The following IQUB variants were observed in gnomAD, a reference collection of about 807,000 sequenced individuals.
The protein encoded by IQUB is IQ motif and ubiquitin-like domain-containing protein.
IQUB carries 86 observed loss-of-function variants against 86.4 expected under a neutral mutation model. The observed-to-expected ratio is 1.00, with a 90% CI of 0.84 to 1.19. The LOEUF is 1.19. Among genes scored for constraint, IQUB ranks in the 50% most tolerant of loss-of-function variants. The probability of loss-of-function intolerance (pLI) is 0.00; values close to 1 mark genes in which losing one functional copy is unlikely to be tolerated. For missense variants in IQUB, 946 were observed against 916.9 expected (o/e 1.03, Z -0.41); for synonymous variants, 289 against 304.5 (o/e 0.95, Z 0.53).
chr7:123,485,752 A>G (rs902769190), intron 7 of IQUB, among the ~76,000 whole-genome samples: 4 of 152,196 alleles, frequency 2.6e-5, no homozygotes, highest in Admixed American at 2.6e-4. Flanking sequence ...ATGCATCTGC[A>G]TGTTAAAATT....
At position 123,502,673 on chromosome 7, in the gene IQUB, G is replaced by C. The variant is rs1795997704; in HGVS notation, c.947C>G (p.Ser316Ter). ...TGTTACCAGTTTATCAGTCATATTT[G>C]ATACATATACACCAATGTTAGTCAT... Reference protein sequence around the residue: ...TQMTNIGVYVSNMTDKLVTPG... With the variant: ...TQMTNIGVYV Residue 316 changes from serine to a stop codon, truncating the protein, a stop_gained, in exon 6 of 13, where the codon TCA becomes TGA. Coordinates refer to ENST00000324698, the MANE Select transcript of IQUB (RefSeq NM_178827.5). LOFTEE classifies it high-confidence loss of function. 3 of 1,611,602 alleles carry C rather than the reference G, an allele frequency of 1.9e-6. No homozygotes were observed. The highest frequency in any genetic ancestry group is 2.5e-6 in the Non-Finnish European group (3 of 1,178,356).
intron 3 of IQUB, among the ~76,000 whole-genome samples, chr7:123,509,414 C>T (rs955563596): frequency 2.1e-4 from 32 of 151,958 alleles, no homozygotes; most frequent in Non-Finnish European, 1.2e-4. Context: ...TCCATTTTTT[C>T]AATCTCATCT....
chr7:123,524,018 A>ACAGAGCGT (rs1428080124), intron 1 of IQUB, among the ~76,000 whole-genome samples: 1 of 150,110 alleles, frequency 6.7e-6, no homozygotes, highest in African/African-American at 2.5e-5. Context: ...AGTTGTAGAT[A>ACAGAGCGT]TGCGGCATTA....
intron 7 of IQUB, among the ~76,000 whole-genome samples, chr7:123,493,172 C>G (rs1334101871): frequency 1.3e-5 from 2 of 152,088 alleles, no homozygotes; most frequent in Non-Finnish European, 2.9e-5. Flanking sequence ...GGCAACAATC[C>G]TCGTTGTCCC....
chr7:123,457,146 A>G, intron 12 of IQUB: 6 of 970,794 alleles, frequency 6.2e-6, no homozygotes, highest in Non-Finnish European at 7.3e-6. Context: ...ACTTACTATT[A>G]GGAGAGACTG....
At position 123,461,362 on chromosome 7, in the gene IQUB, T is replaced by C; in HGVS notation, c.2002A>G (p.Met668Val). Reference protein sequence around the residue: ...YEDDSKIAFLMQLQDIQYLTE... With the variant: ...YEDDSKIAFLVQLQDIQYLTE... ...GCACCCCTTATTGACCATACCTGCA[T>C]CAAGAAAGCAATTTTAGAATCATCT... Residue 668 changes from methionine to valine, a missense_variant, in exon 11 of 13, where the codon ATG (methionine) becomes GTG (valine). By Grantham distance (21) the Met-to-Val change is conservative. Transcript: ENST00000324698. 6.2e-7 allele frequency: 1 copy of C among 1,605,534 alleles called. No homozygotes were observed.
intron 10 of IQUB, 24 bp from the exon 11 acceptor site, chr7:123,461,629 A>C: frequency 7.2e-6 from 11 of 1,532,262 alleles, no homozygotes; most frequent in Non-Finnish European, 9.6e-6. Context: ...AAAAAAAGAA[A>C]AAAAAGGTCT....
At chr7:123,480,683 G>T (rs1405122784) in intron 7 of IQUB, among the ~76,000 whole-genome samples, 1 of 151,824 alleles carries the variant, frequency 6.6e-6, no homozygotes, top group Non-Finnish European at 1.5e-5. Flanking sequence ...CTTCCCCAAG[G>T]ACCCAAATTG....
At chr7:123,522,025 A>G (rs138361944) in intron 1 of IQUB, among the ~76,000 whole-genome samples, 1 of 152,248 alleles carries the variant, frequency 6.6e-6, no homozygotes, top group African/African-American at 2.4e-5. Flanking sequence ...TGAAAGAAGC[A>G]ATCGGCCATG....
chr7:123,529,234 TAATA>T (rs895115691), intron 1 of IQUB, among the ~76,000 whole-genome samples: 1 of 152,120 alleles, frequency 6.6e-6, no homozygotes, highest in African/African-American at 2.4e-5. Flanking sequence ...TACAATTATA[TAATA>T]TATATACATT....
chr7:123,510,153 G>T (rs1796354625), intron 2 of IQUB, 118 bp from the exon 3 acceptor site: 2 of 643,616 alleles, frequency 3.1e-6, no homozygotes, highest in East Asian at 2.8e-5. Flanking sequence ...AATACAAGTT[G>T]TTCTTGCTAG....
intron 8 of IQUB, among the ~76,000 whole-genome samples, chr7:123,471,051 T>C (rs1285347303): frequency 6.6e-6 from 1 of 152,146 alleles, no homozygotes; most frequent in East Asian, 1.9e-4. Flanking sequence ...AAAATGAATG[T>C]TATTCAGAGG....
chr7:123,528,053 A>T (rs7791191), intron 1 of IQUB, among the ~76,000 whole-genome samples: 9,889 of 152,232 alleles, frequency 0.065, 359 homozygotes, highest in Non-Finnish European at 0.079. Flanking sequence ...AAAGCGCAGT[A>T]TTCGGGTGGG....
intron 6 of IQUB, among the ~76,000 whole-genome samples, chr7:123,498,445 T>C (rs1562858561): frequency 1.3e-5 from 2 of 152,070 alleles, no homozygotes; most frequent in Middle Eastern, 3.2e-3. Flanking sequence ...TAAAATAATA[T>C]AATGAACCAA....
rs991043397 is a variant in IQUB, at chr7:123,467,409, G to A, written c.1581+1805C>T. Among the ~76,000 whole-genome samples the A allele has an allele frequency of 2.0e-5, 3 of 152,070 alleles. No homozygotes were observed. The East Asian group carries it at 5.8e-4, about 30-fold the overall frequency. On this transcript the variant is annotated intron_variant, in intron 9 of 12. Coordinates refer to ENST00000324698, the MANE Select transcript of IQUB (RefSeq NM_178827.5). Reference sequence around the variant, plus strand: ...TCCCTGTGCTGAAGAGAGCCATCTTGCCTACAGATAGACAGCTACCATCAG... The same window carrying A: ...TCCCTGTGCTGAAGAGAGCCATCTTACCTACAGATAGACAGCTACCATCAG...
rs755151832 is a variant in IQUB, at chr7:123,510,000, C to T, written c.433G>A (p.Val145Ile). 44 of 1,588,186 alleles carry T rather than the reference C, an allele frequency of 2.8e-5. No individual in the cohort carries two copies. The highest frequency in any genetic ancestry group is 3.5e-5 in the Non-Finnish European group (41 of 1,161,740). The change falls in exon 3 of 13, where the codon GTA becomes ATA. Residue 145 changes from valine to isoleucine, a missense_variant. Val to Ile is a conservative substitution (Grantham distance 29). Transcript: ENST00000324698. ...VVLIPVGQEI[V>I]IPFKVDTILK... ...ATGGTATCAACCTTAAAAGGTATTA[C>T]AATTTCCTGGCCCACTGGAATAAGT...
intron 8 of IQUB, among the ~76,000 whole-genome samples, chr7:123,471,791 T>C (rs976687621): frequency 1.3e-5 from 2 of 152,206 alleles, no homozygotes; most frequent in South Asian, 2.1e-4. Flanking sequence ...GAAACAATTA[T>C]ATCACTTGTA....
intron 1 of IQUB, among the ~76,000 whole-genome samples, chr7:123,530,810 C>G (rs1236265199): frequency 6.6e-6 from 1 of 151,188 alleles, no homozygotes; most frequent in African/African-American, 2.4e-5. Flanking sequence ...CCCAGTAGCT[C>G]AGATTATAGG....
At chr7:123,476,931 T>C (rs1791677341) in intron 8 of IQUB, among the ~76,000 whole-genome samples, 1 of 151,864 alleles carries the variant, frequency 6.6e-6, no homozygotes, top group Admixed American at 6.6e-5. Flanking sequence ...CTCAATGAAA[T>C]AAAAGAGGAC....
Sources: gnomAD v4.1 joint callset for allele counts (sites outside exome capture counted in the v4.1 genomes callset) on GRCh38, gnomAD v4.1.1 for gene constraint, MANE v1.5 for transcripts, NCBI Gene and HGNC (gene_info 2026-07-23, HGNC 2026-07-21) for gene names.